HDAC4: variants seen among roughly 807,000 people sequenced by gnomAD.
The protein encoded by HDAC4 is histone deacetylase A.
Under a neutral mutation model 135.1 loss-of-function variants are expected in HDAC4, and 16 were observed. That is an observed-to-expected ratio of 0.12 (90% CI 0.08 to 0.18). The LOEUF (loss-of-function observed/expected upper bound fraction) is 0.18. Among genes scored for constraint, HDAC4 ranks in the 10% least tolerant of loss-of-function variants. HDAC4 has a pLI of 1.00. For synonymous variants in HDAC4, 685 were observed against 653.4 expected, an observed-to-expected ratio of 1.05 and a Z score of -0.74; for missense variants, 1,143 against 1,511.8, an observed-to-expected ratio of 0.76 and a Z score of 4.05.
intron 2 of HDAC4, among the ~76,000 whole-genome samples, chr2:239,282,875 C>A (rs1303647596): frequency 4.8e-5 from 7 of 146,894 alleles, no homozygotes; most frequent in Non-Finnish European, 4.5e-5. Flanking sequence ...CACCACTCTC[C>A]ATGTACATAC....
chr2:239,252,176 C>T (rs140781120), intron 2 of HDAC4, among the ~76,000 whole-genome samples: 395 of 152,224 alleles, frequency 2.6e-3, no homozygotes, highest in African/African-American at 8.9e-3. Context: ...GGATTCTGGC[C>T]GGGAGTGTGG....
chr2:239,185,393 C>T (rs372871867), intron 4 of HDAC4, among the ~76,000 whole-genome samples: 25 of 149,294 alleles, frequency 1.7e-4, no homozygotes, highest in East Asian at 7.9e-4. Flanking sequence ...GGGTGCCCCA[C>T]GCCTCCTGGG....
chr2:239,224,029 G>A (rs2047111150), intron 3 of HDAC4, among the ~76,000 whole-genome samples: 2 of 152,112 alleles, frequency 1.3e-5, no homozygotes, highest in Middle Eastern at 3.4e-3. Context: ...GTTCCAAACT[G>A]GGTGCCTTTG....
intron 5 of HDAC4, among the ~76,000 whole-genome samples, chr2:239,174,166 GA>G (rs2043613803): frequency 6.6e-6 from 1 of 152,120 alleles, no homozygotes; most frequent in Non-Finnish European, 1.5e-5. Context: ...TCATCTAAAG[GA>G]AAAGACTGAA....
At chr2:239,165,185 T>C (rs76260097) in intron 5 of HDAC4, among the ~76,000 whole-genome samples, 15,594 of 152,088 alleles carry the variant, frequency 0.1, 836 homozygotes, top group East Asian at 0.17. Flanking sequence ...ACTGTGCCAC[T>C]GCACTCCACC....
chr2:239,191,352 A>T (rs1337604602), intron 3 of HDAC4, among the ~76,000 whole-genome samples: 1 of 152,180 alleles, frequency 6.6e-6, no homozygotes, highest in Non-Finnish European at 1.5e-5. Context: ...GGACTGGCTT[A>T]AGACCAGGCC....
intron 7 of HDAC4, among the ~76,000 whole-genome samples, chr2:239,148,630 G>T (rs2152926918): frequency 6.6e-6 from 1 of 152,344 alleles, no homozygotes; most frequent in African/African-American, 2.4e-5. Flanking sequence ...GAGTGCGACA[G>T]AATAAAGTGA....
chr2:239,375,851 C>T (rs949607563), intron 1 of HDAC4, among the ~76,000 whole-genome samples: 1 of 152,224 alleles, frequency 6.6e-6, no homozygotes, highest in Non-Finnish European at 1.5e-5. Flanking sequence ...CTTGCCCAGC[C>T]CAGGCCTCTT....
chr2:239,065,146 G>T (rs1233433647), intron 24 of HDAC4, among the ~76,000 whole-genome samples: 1 of 152,200 alleles, frequency 6.6e-6, no homozygotes, highest in Admixed American at 6.5e-5. Flanking sequence ...AGAGTGTCCT[G>T]GGATGGCTGC....
chr2:239,227,641 C>T (rs911615499), intron 3 of HDAC4, among the ~76,000 whole-genome samples: 3 of 152,126 alleles, frequency 2.0e-5, no homozygotes, highest in South Asian at 2.1e-4. Flanking sequence ...CAAAGACAAG[C>T]GGAAGGAGCG....
chr2:239,130,897 C>A (rs901299204), intron 11 of HDAC4, among the ~76,000 whole-genome samples: 3 of 152,230 alleles, frequency 2.0e-5, no homozygotes, highest in South Asian at 4.1e-4. Flanking sequence ...GCTGTCCAGG[C>A]AACAATCATG....
intron 17 of HDAC4, chr2:239,093,818 G>T: frequency 2.2e-6 from 1 of 450,318 alleles, no homozygotes; most frequent in Non-Finnish European, 2.9e-6. Context: ...AGGCGTGCTG[G>T]CTGCAGGGCA....
intron 2 of HDAC4, among the ~76,000 whole-genome samples, chr2:239,250,457 A>C (rs2048723892): frequency 6.6e-6 from 1 of 152,240 alleles, no homozygotes; most frequent in African/African-American, 2.4e-5. Flanking sequence ...CGCACGGCCC[A>C]GCTCCAGGCA....
At chr2:239,116,907 T>G (rs1016706983) in intron 12 of HDAC4, among the ~76,000 whole-genome samples, 1 of 152,222 alleles carries the variant, frequency 6.6e-6, no homozygotes, top group Non-Finnish European at 1.5e-5. Context: ...ATCTTCCTGA[T>G]AGGGCAATGT....
At chr2:239,103,648 C>T (rs1488755536) in intron 15 of HDAC4, among the ~76,000 whole-genome samples, 1 of 152,236 alleles carries the variant, frequency 6.6e-6, no homozygotes, top group Non-Finnish European at 1.5e-5. Context: ...CTGCTTCCCC[C>T]AGGCCTGAGC....
intron 3 of HDAC4, among the ~76,000 whole-genome samples, chr2:239,225,402 A>G (rs577478137): frequency 1.3e-5 from 2 of 152,404 alleles, no homozygotes; most frequent in East Asian, 3.9e-4. Context: ...CTATTAAAAC[A>G]GGAATTAATA....
At chr2:239,102,464 C>A (rs942573607) in intron 16 of HDAC4, 6 of 386,728 alleles carry the variant, frequency 1.6e-5, no homozygotes, top group African/African-American at 4.1e-5. Context: ...ACTTCAGGCT[C>A]CCTGCAGGGC....
chr2:239,068,390 T>C lies in HDAC4; in HGVS notation c.2869+99A>G. 1.1e-6 allele frequency: 1 copy of C among 893,346 alleles called. No individual in the cohort carries two copies. The highest frequency in any genetic ancestry group is 1.4e-5 in the South Asian group (1 of 72,808). The allele number at this position is 893,346 out of a possible 1,614,324, so 55.3% of individuals were successfully genotyped here. On this transcript the variant is annotated intron_variant, in intron 23 of 26. Coordinates refer to ENST00000543185, the MANE Select transcript of HDAC4 (RefSeq NM_001378414.1). The surrounding 1 kb of genome is among the most constrained non-coding windows in gnomAD (Gnocchi z 4.4). ...TTGGTCATTAGTAAAAAGGTGCCCT[T>C]CCTTATCTCGTTATTAAAAAGGGGA...
At chr2:239,114,347 A>G (rs1250147930) in intron 13 of HDAC4, among the ~76,000 whole-genome samples, 1 of 152,218 alleles carries the variant, frequency 6.6e-6, no homozygotes, top group African/African-American at 2.4e-5. Flanking sequence ...CAAATCCTAC[A>G]GAGCTGTGGT....
Sources: gnomAD v4.1 joint callset for allele counts (sites outside exome capture counted in the v4.1 genomes callset) on GRCh38, gnomAD v4.1.1 for gene constraint, Gnocchi (gnomAD v3.1) non-coding constraint, MANE v1.5 for transcripts, NCBI Gene and HGNC (gene_info 2026-07-23, HGNC 2026-07-21) for gene names.